Variants in ACAP3 observed in about 807,000 individuals in gnomAD.
ACAP3 encodes ArfGAP with coiled-coil, ankyrin repeat and PH domains 3.
A neutral mutation model predicts 104.1 loss-of-function variants in ACAP3; 56 were observed. The ratio of observed to expected loss-of-function variants is 0.54; its 90% CI spans 0.43 to 0.67. The LOEUF (loss-of-function observed/expected upper bound fraction) is 0.67. Ranked by LOEUF, ACAP3 falls within the 30% of genes least tolerant of loss-of-function variation. The probability of loss-of-function intolerance (pLI) is 0.00; values close to 1 mark genes in which losing one functional copy is unlikely to be tolerated. For missense variants in ACAP3, 1,208 were observed against 1,174.9 expected, an observed-to-expected ratio of 1.03 and a Z score of -0.41; for synonymous variants, 628 against 496.2, an observed-to-expected ratio of 1.27 and a Z score of -3.53.
chr1:1,293,689 C>A lies in ACAP3; in HGVS notation c.2380G>T (p.Ala794Ser). The A allele has an allele frequency of 7.1e-7, 1 of 1,414,474 alleles. No homozygotes were observed. Among genetic ancestry groups the A allele is most frequent in the Non-Finnish European group, 9.1e-7 (1 of 1,093,422 alleles). The allele number at this position is 1,414,474 out of a possible 1,614,324, so 87.6% of individuals were successfully genotyped here. A position where few individuals can be genotyped will look rare whatever the true frequency, so the allele number is the denominator to read the frequency against. ...IVTLLRLARM[A>S]EEMREAEAAP... ...GCCTCGGCCTCGCGCATTTCCTCCGCCATGCGCGCCAGACGGAGCCTACGG... is the reference window on the plus strand; with the variant it reads ...GCCTCGGCCTCGCGCATTTCCTCCGACATGCGCGCCAGACGGAGCCTACGG... The change falls in exon 24 of 24, where the codon GCG becomes TCG. Residue 794 changes from alanine (A) to serine (S), a missense_variant. By Grantham distance (99) the Ala-to-Ser change is moderately conservative. Coordinates refer to ENST00000354700, the MANE Select transcript of ACAP3 (RefSeq NM_030649.3).
chr1:1,306,564 C>T (rs1641703465), intron 1 of ACAP3, among the ~76,000 whole-genome samples: 1 of 152,214 alleles, frequency 6.6e-6, no homozygotes, highest in Non-Finnish European at 1.5e-5. Context: ...CACTCCAAGG[C>T]TCCTGAGCCT....
rs186687859 is a variant in ACAP3 at position 1,295,027 on chromosome 1, A to G, written c.1814-211T>C. On this transcript the variant is annotated intron_variant, in intron 19 of 23. Coordinates refer to ENST00000354700, the MANE Select transcript of ACAP3 (RefSeq NM_030649.3). ...TCAAAGGTGCCAGGGGTAGCCCCCTAAAGCCCAGGCCTTTTGGGAAGCCCT... is the reference window on the plus strand; with the variant it reads ...TCAAAGGTGCCAGGGGTAGCCCCCTGAAGCCCAGGCCTTTTGGGAAGCCCT... 1.2e-3 allele frequency: 723 copies of G among 585,492 alleles called. 7 individuals are homozygous for G. Among genetic ancestry groups the G allele is most frequent in the African/African-American group, 0.012 (647 of 53,440 alleles). 36.3% of individuals were successfully genotyped at this position (585,492 alleles called of 1,614,324 possible).
rs1338554421 is a variant in ACAP3 at position 1,303,250 on chromosome 1, G to A, written c.137C>T (p.Ala46Val). The stretch of plus-strand genomic sequence containing the variant: ...GCTGGTGCTGACGTAGGCCTTACCG[G>A]CTTCCACCATGCCACTGCACAGCTT... Reference protein sequence around the residue: ...LVKLCSGMVEAGKAYVSTSRL... With the variant: ...LVKLCSGMVEVGKAYVSTSRL... Residue 46 changes from alanine to valine, a missense_variant, in exon 3 of 24, where the codon GCC becomes GTC. Ala to Val is a moderately conservative substitution (Grantham distance 64). Coordinates refer to ENST00000354700, the MANE Select transcript of ACAP3 (RefSeq NM_030649.3). This position sits in a 1 kb window ranked among gnomAD's most constrained non-coding sequence, Gnocchi z 4.0. 6.2e-7 allele frequency: 1 copy of A among 1,600,434 alleles called. No individual in the cohort carries two copies. The highest frequency in any genetic ancestry group is 8.5e-7 in the Non-Finnish European group (1 of 1,174,614).
Position 1,300,580 on chromosome 1 carries a change from C to G in ACAP3, c.451G>C (p.Glu151Gln). The change falls in exon 6 of 24, where the codon GAG (glutamate) becomes CAG (glutamine). Residue 151 changes from glutamate to glutamine, a missense_variant. Glu to Gln is a conservative substitution (Grantham distance 29, BLOSUM62 2). Transcript: ENST00000354700. Reference sequence around the variant, plus strand: ...AGGGTGAGGGCCCCGGTGGCTTCCTCCACCTCGTGGGGCCGGTGCCTCGGG... The same window carrying G: ...AGGGTGAGGGCCCCGGTGGCTTCCTGCACCTCGTGGGGCCGGTGCCTCGGG... Reference protein sequence around the residue: ...QAPRHRPHEVEEATGALTLTR... With the variant: ...QAPRHRPHEVQEATGALTLTR... 1 of 1,611,958 alleles carries G rather than the reference C, an allele frequency of 6.2e-7. No homozygotes were observed. Among genetic ancestry groups the G allele is most frequent in the East Asian group, 2.2e-5 (1 of 44,792 alleles).
Position 1,304,137 on chromosome 1 carries a change from G to A in ACAP3, c.54C>T (p.Thr18=). 3.9e-6 allele frequency: 6 copies of A among 1,550,646 alleles called. No individual in the cohort carries two copies. Among genetic ancestry groups the A allele is most frequent in the East Asian group, 4.9e-5 (2 of 40,922 alleles). Residue 18 remains threonine, a synonymous_variant, in exon 2 of 24, where the codon ACC becomes ACT. Transcript: ENST00000354700. Reference sequence around the variant, plus strand: ...CCACGTCCGTCTCCACCTCGTCAATGGTCGCCCTAAAGCAAGAACGGGGCT... The same window carrying A: ...CCACGTCCGTCTCCACCTCGTCAATAGTCGCCCTAAAGCAAGAACGGGGCT... ...CVKDSPRFRA[T]IDEVETDVVE... is the part of the protein sequence containing the mutation.
rs1371140896 is a variant in ACAP3, at chr1:1,298,683, G to C, written c.751-4C>G. The C allele has an allele frequency of 6.2e-7, 1 of 1,610,280 alleles. No homozygotes were observed. The highest frequency in any genetic ancestry group is 1.7e-5 in the Admixed American group (1 of 59,906). ...TGGACTCATCGTAGGAGAAGTCCTGGGGGGATGGAACCCGCCCCCTCAGTG... is the reference window on the plus strand; with the variant it reads ...TGGACTCATCGTAGGAGAAGTCCTGCGGGGATGGAACCCGCCCCCTCAGTG... On this transcript the variant is annotated splice_region_variant and splice_polypyrimidine_tract_variant and intron_variant, in intron 10 of 23. Coordinates refer to ENST00000354700, the MANE Select transcript of ACAP3 (RefSeq NM_030649.3).
In ACAP3 at chr1:1,307,879, C is replaced by T; in HGVS notation, c.-64G>A. On this transcript the variant is annotated 5_prime_UTR_variant, in exon 1 of 24. Coordinates refer to ENST00000354700, the MANE Select transcript of ACAP3 (RefSeq NM_030649.3). The stretch of plus-strand genomic sequence containing the variant: ...CGGCGCCGAGCGGCAGCCGCGCCGG[C>T]CCGGACCGCTCGTCCCGCCCGCGCC... 4 of 938,954 alleles carry T rather than the reference C, an allele frequency of 4.3e-6. No homozygotes were observed. Among genetic ancestry groups the T allele is most frequent in the South Asian group, 4.7e-5 (1 of 21,080 alleles). The allele number at this position is 938,954 out of a possible 1,614,324, so 58.2% of individuals were successfully genotyped here.
chr1:1,304,178 C>A (rs1457354126), intron 1 of ACAP3, 35 bp from the exon 2 acceptor site: 12 of 1,549,760 alleles, frequency 7.7e-6, no homozygotes, highest in Non-Finnish European at 9.6e-6. Flanking sequence ...GGGTCACCTG[C>A]AGCCTCAGCC....
intron 1 of ACAP3, among the ~76,000 whole-genome samples, chr1:1,306,686 T>C (rs1451377196): frequency 1.3e-5 from 2 of 152,078 alleles, no homozygotes; most frequent in Non-Finnish European, 2.9e-5. Context: ...ACATACACAA[T>C]CAAGCACACA....
chr1:1,302,185 A>G, intron 4 of ACAP3, 139 bp from the exon 5 acceptor site: 1 of 649,272 alleles, frequency 1.5e-6, no homozygotes. Context: ...GCTGGCCTCA[A>G]GGGGGTCAGG....
At chr1:1,299,689 C>G (rs1641358757) in intron 9 of ACAP3, 142 bp downstream of exon 9, 8 of 1,020,462 alleles carry the variant, frequency 7.8e-6, no homozygotes, top group Non-Finnish European at 8.5e-6. Flanking sequence ...AGGGAGCAGC[C>G]TTGGTCCCCT....
chr1:1,299,303 CT>C lies in ACAP3; in HGVS notation c.750+41del, dbSNP rs1553163093. ...AGGGAAAGGCACCGCCCCATCTGGT[CT>C]CCCCCGACCCACAGCCCGCCCAGGG... On this transcript the variant is annotated intron_variant, in intron 10 of 23. Coordinates refer to ENST00000354700, the MANE Select transcript of ACAP3 (RefSeq NM_030649.3). The C allele has an allele frequency of 4.4e-6, 7 of 1,587,448 alleles. No homozygotes were observed. The African/African-American group carries it at 6.7e-5, about 15-fold the overall frequency.
Position 1,303,089 on chromosome 1 carries a change from GCCCTCAAGGGGCTGCCT to G in ACAP3, c.225+56_225+72del. The G allele has an allele frequency of 6.4e-7, 1 of 1,552,250 alleles. No homozygotes were observed. The highest frequency in any genetic ancestry group is 8.7e-7 in the Non-Finnish European group (1 of 1,147,206). ...ACACCGGCCTGCTTCTGGCCTGGAC[GCCCTCAAGGGGCTGCCT>G]CCCTCGGCCTCTCCCCCAACCCCAC... On this transcript the variant is annotated intron_variant, in intron 3 of 23. Coordinates refer to ENST00000354700, the MANE Select transcript of ACAP3 (RefSeq NM_030649.3). This position sits in a 1 kb window ranked among gnomAD's most constrained non-coding sequence, Gnocchi z 4.0.
chr1:1,294,535 C>A lies in ACAP3; in HGVS notation c.2006G>T (p.Gly669Val), dbSNP rs867511621. 6.7e-7 allele frequency: 1 copy of A among 1,498,096 alleles called. No individual in the cohort carries two copies. Among genetic ancestry groups the A allele is most frequent in the South Asian group, 1.3e-5 (1 of 78,416 alleles). The allele number at this position is 1,498,096 out of a possible 1,614,324, so 92.8% of individuals were successfully genotyped here. A position where few individuals can be genotyped will look rare whatever the true frequency, so the allele number is the denominator to read the frequency against. ...GLADVRELHP[G>V]LLAHRAARAR... ...ACGCGCTGCGCGGTGCGCCAAGAGC[C>A]CCGGGTGCAGCTCGCGCACGTCCGC... Residue 669 changes from glycine to valine, a missense_variant, in exon 21 of 24, where the codon GGG becomes GTG. Transcript: ENST00000354700.
At chr1:1,307,609 T>C (rs1412461212) in intron 1 of ACAP3, among the ~76,000 whole-genome samples, 160 bp downstream of exon 1, 2 of 151,884 alleles carry the variant, frequency 1.3e-5, no homozygotes, top group Non-Finnish European at 2.9e-5. Flanking sequence ...CCCCGGGGCA[T>C]GGCGGGGCGG....
chr1:1,298,490 A>G (rs1001695904), intron 11 of ACAP3, 69 bp from the exon 12 acceptor site: 3 of 831,906 alleles, frequency 3.6e-6, no homozygotes, highest in Non-Finnish European at 3.4e-6. Context: ...CCCTGCCCCC[A>G]CCTGAGGACC....
chr1:1,299,678 A>C (rs41306988), intron 9 of ACAP3, 153 bp downstream of exon 9: 3 of 953,386 alleles, frequency 3.1e-6, no homozygotes, highest in Non-Finnish European at 4.6e-6. Flanking sequence ...GCACACATCA[A>C]AGGGAGCAGC....
Position 1,300,008 on chromosome 1 carries a change from G to A in ACAP3, c.628C>T (p.Gln210Ter), listed in dbSNP as rs1478527892. The A allele has an allele frequency of 6.2e-7, 1 of 1,612,296 alleles. No homozygotes were observed. Residue 210 changes from glutamine to a stop codon, truncating the protein, a stop_gained, in exon 8 of 24, where the codon CAG becomes TAG. Coordinates refer to ENST00000354700, the MANE Select transcript of ACAP3 (RefSeq NM_030649.3). LOFTEE classifies it high-confidence loss of function. Reference protein sequence around the residue: ...FFQQGYSLLHQLDPYMKKLAA... With the variant: ...FFQQGYSLLH Reference sequence around the variant, plus strand: ...AGCTTCTTCATGTAGGGGTCCAGCTGGTGCAGGAGGCTGTAGCCCTGCTGG... The same window carrying A: ...AGCTTCTTCATGTAGGGGTCCAGCTAGTGCAGGAGGCTGTAGCCCTGCTGG...
In ACAP3 at chr1:1,297,809, C is replaced by G. The variant is rs201072390; in HGVS notation, c.1128+13G>C. 2 of 1,606,046 alleles carry G rather than the reference C, an allele frequency of 1.2e-6. No individual in the cohort carries two copies. The highest frequency in any genetic ancestry group is 2.2e-5 in the South Asian group (2 of 90,684). ...TGTGCACGGGCTTGGGGCAGGGGCA[C>G]CAAGGGCCACACCTCGCTATAGCAA... On this transcript the variant is annotated intron_variant, in intron 14 of 23. Coordinates refer to ENST00000354700, the MANE Select transcript of ACAP3 (RefSeq NM_030649.3).
Sources: gnomAD v4.1 joint callset for allele counts (sites outside exome capture counted in the v4.1 genomes callset) on GRCh38, gnomAD v4.1.1 for gene constraint, Gnocchi (gnomAD v3.1) non-coding constraint, MANE v1.5 for transcripts, NCBI Gene and HGNC (gene_info 2026-07-23, HGNC 2026-07-21) for gene names.